The following PSMA1 variants were observed in gnomAD, a reference collection of about 807,000 sequenced individuals.
PSMA1 encodes proteasome 20S subunit alpha 1, also known as proteasome subunit alpha type-1.
PSMA1 carries 3 observed loss-of-function variants against 38.4 expected under a neutral mutation model. The ratio of observed to expected loss-of-function variants is 0.08; its 90% confidence interval spans 0.04 to 0.20. The LOEUF (loss-of-function observed/expected upper bound fraction) is 0.20, where lower values mean the gene tolerates loss of function less well. Among genes scored for constraint, PSMA1 ranks in the 10% least tolerant of loss-of-function variants. PSMA1 has a pLI of 1.00. For synonymous variants in PSMA1, 101 were observed against 107.1 expected (o/e 0.94, Z 0.35); for missense variants, 227 against 325.3 (o/e 0.70, Z 2.32).
At chr11:14,566,408 G>T (rs1852072010) in intron 2 of PSMA1, among the ~76,000 whole-genome samples, 1 of 152,158 alleles carries the variant, frequency 6.6e-6, no homozygotes. Flanking sequence ...AGTTGGACAT[G>T]AGGTATTAGA....
chr11:14,586,705 C>T (rs1275040190), intron 2 of PSMA1, among the ~76,000 whole-genome samples: 1 of 152,100 alleles, frequency 6.6e-6, no homozygotes, highest in Non-Finnish European at 1.5e-5. Flanking sequence ...GTATAACTTT[C>T]CCCCACCGAA....
At chr11:14,599,141 C>A (rs978920339) in intron 2 of PSMA1, among the ~76,000 whole-genome samples, 1 of 152,170 alleles carries the variant, frequency 6.6e-6, no homozygotes, top group African/African-American at 2.4e-5. Context: ...TTGTGGGTAA[C>A]CCAACCTTTC....
intron 1 of PSMA1, among the ~76,000 whole-genome samples, chr11:14,628,616 G>A (rs1163627261): frequency 7.4e-5 from 11 of 148,856 alleles, no homozygotes; most frequent in Middle Eastern, 3.4e-3. Flanking sequence ...GAATAATGCC[G>A]CAATAAACAT....
At chr11:14,547,998 C>T (rs1473050337) in intron 2 of PSMA1, among the ~76,000 whole-genome samples, 1 of 151,550 alleles carries the variant, frequency 6.6e-6, no homozygotes. Flanking sequence ...GGGCAAGATC[C>T]TGAGAGATCA....
At chr11:14,599,975 A>T (rs1013326816) in intron 2 of PSMA1, among the ~76,000 whole-genome samples, 2 of 152,064 alleles carry the variant, frequency 1.3e-5, no homozygotes, top group African/African-American at 4.8e-5. Context: ...TCTGTTTGTT[A>T]GTTTTCCTCC....
At chr11:14,637,589 T>C (rs1457696827) in intron 1 of PSMA1, among the ~76,000 whole-genome samples, 1 of 152,206 alleles carries the variant, frequency 6.6e-6, no homozygotes, top group African/African-American at 2.4e-5. Flanking sequence ...TGGTTACGGC[T>C]TAATTTTTTT....
chr11:14,520,087 C>A (rs1266126187), intron 1 of PSMA1: 1 of 713,302 alleles, frequency 1.4e-6, no homozygotes, highest in Non-Finnish European at 2.4e-6. Context: ...CCCCGGGAAG[C>A]GAAAGCGGTG....
intron 2 of PSMA1, among the ~76,000 whole-genome samples, chr11:14,583,220 C>T (rs1406772022): frequency 6.6e-6 from 1 of 152,128 alleles, no homozygotes; most frequent in Non-Finnish European, 1.5e-5. Context: ...TGTTTTCCTC[C>T]ACCTTTTCTT....
intron 2 of PSMA1, among the ~76,000 whole-genome samples, chr11:14,557,647 G>T (rs1388255249): frequency 6.6e-6 from 1 of 152,082 alleles, no homozygotes; most frequent in African/African-American, 2.4e-5. Flanking sequence ...AGGGGTGAGG[G>T]AATTCATCAT....
chr11:14,540,066 C>T (rs1010484010), intron 2 of PSMA1, among the ~76,000 whole-genome samples: 36 of 152,236 alleles, frequency 2.4e-4, no homozygotes, highest in African/African-American at 8.4e-4. Context: ...AAAAGGGGCA[C>T]TCTGGCACAG....
intron 2 of PSMA1, among the ~76,000 whole-genome samples, chr11:14,558,735 G>A (rs1271146732): frequency 6.6e-6 from 1 of 152,212 alleles, no homozygotes; most frequent in Admixed American, 6.5e-5. Context: ...AGGGCCTGGT[G>A]TCTTAAAGGA....
At chr11:14,618,039 C>T (rs890528268) in intron 1 of PSMA1, among the ~76,000 whole-genome samples, 5 of 152,152 alleles carry the variant, frequency 3.3e-5, no homozygotes, top group African/African-American at 1.2e-4. Flanking sequence ...ACATCATTTG[C>T]TTTTCAGAAA....
At chr11:14,642,778 C>T (rs1038929537) in intron 1 of PSMA1, among the ~76,000 whole-genome samples, 2 of 152,136 alleles carry the variant, frequency 1.3e-5, no homozygotes, top group African/African-American at 4.8e-5. Context: ...CTTTTCTTCT[C>T]GCTTTCAGGT....
chr11:14,562,249 T>G (rs1273474791), intron 2 of PSMA1, among the ~76,000 whole-genome samples: 4 of 152,198 alleles, frequency 2.6e-5, no homozygotes, highest in Non-Finnish European at 4.4e-5. Flanking sequence ...GGTTCATAGT[T>G]TCAGAGCAGT....
At chr11:14,508,462 G>A (rs2134141399) in intron 8 of PSMA1, among the ~76,000 whole-genome samples, 1 of 146,294 alleles carries the variant, frequency 6.8e-6, no homozygotes, top group South Asian at 2.2e-4. Context: ...AAATTTACTT[G>A]GATTACTCTC....
chr11:14,629,376 T>C (rs923878828), intron 1 of PSMA1, among the ~76,000 whole-genome samples: 2 of 152,240 alleles, frequency 1.3e-5, no homozygotes, highest in Non-Finnish European at 2.9e-5. Context: ...AGTTTCAGCT[T>C]TCTACATATG....
In PSMA1 at chr11:14,616,231, G is replaced by GTTTTTTTTTTTTTTTTTTTTTTTTT. The variant is rs34292683; in HGVS notation, c.-165-5081_-165-5080insAAAAAAAAAAAAAAAAAAAAAAAAA. Among the ~76,000 whole-genome samples, 2 of 126,686 alleles carry GTTTTTTTTTTTTTTTTTTTTTTTTT rather than the reference G, an allele frequency of 1.6e-5. 1 individual carries two copies. The allele number at this position is 126,686 out of a possible 152,430, so 83.1% of individuals were successfully genotyped here. A position where few individuals can be genotyped will look rare whatever the true frequency, so the allele number is the denominator to read the frequency against. On this transcript the variant is annotated intron_variant, in intron 1 of 10. Coordinates refer to the PSMA1 transcript ENST00000418988. ...AGGTGAGAGTTGGAGGATCCCAACA[G>GTTTTTTTTTTTTTTTTTTTTTTTTT]TTTTTTTTTTTTTTTTTTTTGAGAC...
At chr11:14,573,294 C>G (rs1363482168) in intron 2 of PSMA1, among the ~76,000 whole-genome samples, 1 of 152,192 alleles carries the variant, frequency 6.6e-6, no homozygotes, top group African/African-American at 2.4e-5. Flanking sequence ...TCCAGCAGCA[C>G]ATCAAAAAGC....
At chr11:14,586,493 G>C (rs1402258472) in intron 2 of PSMA1, among the ~76,000 whole-genome samples, 1 of 151,902 alleles carries the variant, frequency 6.6e-6, no homozygotes, top group Non-Finnish European at 1.5e-5. Context: ...TAGTATGCAT[G>C]TGGGTGTTTG....
Sources: gnomAD v4.1 joint callset for allele counts (sites outside exome capture counted in the v4.1 genomes callset) on GRCh38, gnomAD v4.1.1 for gene constraint, MANE v1.5 for transcripts, NCBI Gene and HGNC (gene_info 2026-07-23, HGNC 2026-07-21) for gene names.